The following TMPRSS6 variants were observed in gnomAD, a reference collection of about 807,000 sequenced individuals.
TMPRSS6 encodes transmembrane serine protease 6.
A neutral mutation model predicts 101.5 loss-of-function variants in TMPRSS6; 67 were observed. The ratio of observed to expected loss-of-function variants is 0.66; its 90% CI spans 0.54 to 0.81. TMPRSS6 has a LOEUF of 0.81. TMPRSS6 is among the 30% of genes least tolerant of loss of function. The pLI is 0.00. For synonymous variants in TMPRSS6, 453 were observed against 464.9 expected (o/e 0.97, Z 0.33); for missense variants, 1,034 against 1,088.7 (o/e 0.95, Z 0.71).
Position 37,103,563 on chromosome 22 carries a change from G to A in TMPRSS6, c.-1-145C>T. The stretch of plus-strand genomic sequence containing the variant: ...ATCAGGCGGCAGTGACTGCAAGTGG[G>A]TGCCGAGACAGCTCACAGAGGAGGG... On this transcript the variant is annotated intron_variant, in intron 1 of 17. Coordinates refer to ENST00000676104, the MANE Select transcript of TMPRSS6 (RefSeq NM_001374504.1). This position sits in a 1 kb window ranked among gnomAD's most constrained non-coding sequence, Gnocchi z 4.4. The A allele has an allele frequency of 1.2e-6, 2 of 1,613,782 alleles. No homozygotes were observed. Among genetic ancestry groups the A allele is most frequent in the Non-Finnish European group, 1.7e-6 (2 of 1,180,018 alleles).
intron 6 of TMPRSS6, among the ~76,000 whole-genome samples, chr22:37,092,448 C>T (rs1226417370): frequency 6.8e-6 from 1 of 147,198 alleles, no homozygotes; most frequent in Non-Finnish European, 1.5e-5. Context: ...CCACCTTAGC[C>T]CCCCACCCCC....
rs746835428 is a variant in TMPRSS6 at position 37,084,337 on chromosome 22, T to A, written c.1154A>T (p.Asp385Val). ...CCACTGGCCCTGGGTGCACGGCAAATCATACTTCTGCCTCCTCAGTGCATA... is the reference window on the plus strand; with the variant it reads ...CCACTGGCCCTGGGTGCACGGCAAAACATACTTCTGCCTCCTCAGTGCATA... Reference protein sequence around the residue: ...DAYALRRQKYDLPCTQGQWTI... With the variant: ...DAYALRRQKYVLPCTQGQWTI... Residue 385 changes from aspartate (D) to valine (V), a missense_variant, in exon 10 of 18, where the codon GAT becomes GTT. Physicochemically the swap from Asp to Val is radical, Grantham distance 152. Coordinates refer to ENST00000676104, the MANE Select transcript of TMPRSS6 (RefSeq NM_001374504.1). 10 of 1,613,504 alleles carry A rather than the reference T, an allele frequency of 6.2e-6. No homozygotes were observed. Among genetic ancestry groups the A allele is most frequent in the South Asian group, 2.2e-5 (2 of 90,976 alleles).
chr22:37,094,385 A>T lies in TMPRSS6; in HGVS notation c.631+1166T>A, dbSNP rs940085319. Among the ~76,000 whole-genome samples, 6 of 98,578 alleles carry T rather than the reference A, an allele frequency of 6.1e-5. No individual in the cohort carries two copies. In the East Asian group the frequency reaches 1.8e-3, roughly 29 times the overall value. 64.7% of individuals were successfully genotyped at this position (98,578 alleles called of 152,430 possible). A position where few individuals can be genotyped will look rare whatever the true frequency, so the allele number is the denominator to read the frequency against. The stretch of plus-strand genomic sequence containing the variant: ...TCTTTTTCCATTAATGATTGATGAT[A>T]GATAGATAGATAGATAGATAGATAG... On this transcript the variant is annotated intron_variant, in intron 6 of 17. Coordinates refer to ENST00000676104, the MANE Select transcript of TMPRSS6 (RefSeq NM_001374504.1).
chr22:37,097,658 T>G (rs2543507), intron 3 of TMPRSS6, among the ~76,000 whole-genome samples: 28 of 125,988 alleles, frequency 2.2e-4, no homozygotes, highest in African/African-American at 3.1e-4. Context: ...GGGGCAGGAG[T>G]GGCCACCGTC....
At chr22:37,094,450 TAGACAGACAGAGACAGAG>T (rs1406765074) in intron 6 of TMPRSS6, among the ~76,000 whole-genome samples, 2 of 151,694 alleles carry the variant, frequency 1.3e-5, no homozygotes, top group African/African-American at 2.4e-5. Context: ...GCTAGCTAGC[TAGACAGACAGAGACAGAG>T]AGACAGACAG....
Position 37,066,813 on chromosome 22 carries a change from C to A in TMPRSS6, c.2250+13G>T. On this transcript the variant is annotated intron_variant, in intron 17 of 17. Transcript: ENST00000676104. Reference sequence around the variant, plus strand: ...TCTCCCTCCTCTCTCCCTCCCATGCCCGGGGGACTCACCTGACAGGCATCC... The same window carrying A: ...TCTCCCTCCTCTCTCCCTCCCATGCACGGGGGACTCACCTGACAGGCATCC... 2 of 1,614,160 alleles carry A rather than the reference C, an allele frequency of 1.2e-6. No homozygotes were observed. The highest frequency in any genetic ancestry group is 1.7e-6 in the Non-Finnish European group (2 of 1,180,030).
chr22:37,072,985 TG>T (rs1195164172), intron 13 of TMPRSS6, among the ~76,000 whole-genome samples: 5 of 146,778 alleles, frequency 3.4e-5, no homozygotes, highest in African/African-American at 1.3e-4. Context: ...GGATGATGGA[TG>T]GATAGATGGA....
chr22:37,083,098 A>C (rs1928390503), intron 10 of TMPRSS6: 1 of 470,816 alleles, frequency 2.1e-6, no homozygotes, highest in Non-Finnish European at 4.4e-6. Context: ...TGTGAAATCA[A>C]GAAATGACAA....
intron 1 of TMPRSS6, among the ~76,000 whole-genome samples, chr22:37,106,410 G>A (rs929444164): frequency 6.6e-6 from 1 of 152,062 alleles, no homozygotes; most frequent in African/African-American, 2.4e-5. Flanking sequence ...CTCCAAGCCA[G>A]GCGTCCTTCT....
At chr22:37,100,233 C>T (rs910799091) in intron 2 of TMPRSS6, among the ~76,000 whole-genome samples, 6 of 152,276 alleles carry the variant, frequency 3.9e-5, no homozygotes, top group Non-Finnish European at 8.8e-5. Flanking sequence ...TCCCAAAGTG[C>T]TGGGATTACG....
chr22:37,086,578 A>G (rs926246285), intron 7 of TMPRSS6, among the ~76,000 whole-genome samples, 159 bp from the exon 8 acceptor site: 7 of 151,952 alleles, frequency 4.6e-5, no homozygotes, highest in African/African-American at 1.7e-4. Context: ...TGTGGGGAGA[A>G]TTCTGTGTCT....
At position 37,075,289 on chromosome 22, in the gene TMPRSS6, A is replaced by T; in HGVS notation, c.1197-9T>A. The T allele has an allele frequency of 3.7e-6, 6 of 1,613,214 alleles. No homozygotes were observed. The highest frequency in any genetic ancestry group is 5.1e-6 in the Non-Finnish European group (6 of 1,179,970). ...TGCGCAAGCCACACAGCCTGGGGGGAGTCAGAGACGACTCAGGGCTGCACT... is the reference window on the plus strand; with the variant it reads ...TGCGCAAGCCACACAGCCTGGGGGGTGTCAGAGACGACTCAGGGCTGCACT... On this transcript the variant is annotated splice_polypyrimidine_tract_variant and intron_variant, in intron 10 of 17. Coordinates refer to ENST00000676104, the MANE Select transcript of TMPRSS6 (RefSeq NM_001374504.1).
chr22:37,109,063 C>G (rs146925727), intron 1 of TMPRSS6, among the ~76,000 whole-genome samples: 1 of 152,166 alleles, frequency 6.6e-6, no homozygotes, highest in African/African-American at 2.4e-5. Flanking sequence ...AACTCTGAGC[C>G]TGTGAGCCCA....
In TMPRSS6 at chr22:37,066,837, C is replaced by A; in HGVS notation, c.2239G>T (p.Asp747Tyr). ...LCAGYRKGKK[D>Y]ACQGDSGGPL... ...CCCGGGGGACTCACCTGACAGGCAT[C>A]CTTCTTGCCCTTGCGGTAGCCGGCA... is the stretch of plus-strand genomic sequence containing the variant. The change falls in exon 17 of 18, where the codon GAT becomes TAT. Residue 747 changes from aspartate to tyrosine, a missense_variant. Asp to Tyr is a radical substitution (Grantham distance 160). Coordinates refer to ENST00000676104, the MANE Select transcript of TMPRSS6 (RefSeq NM_001374504.1). The A allele has an allele frequency of 6.2e-7, 1 of 1,614,214 alleles. No homozygotes were observed. The highest frequency in any genetic ancestry group is 8.5e-7 in the Non-Finnish European group (1 of 1,180,036).
intron 7 of TMPRSS6, among the ~76,000 whole-genome samples, chr22:37,086,644 G>A (rs370707509): frequency 6.6e-6 from 1 of 152,140 alleles, no homozygotes; most frequent in African/African-American, 2.4e-5. Context: ...AGCTCCTCGG[G>A]TGAGAGAGGC....
At chr22:37,082,754 T>C (rs1481844822) in intron 10 of TMPRSS6, 1 of 360,192 alleles carries the variant, frequency 2.8e-6, no homozygotes, top group South Asian at 2.1e-5. Flanking sequence ...TGCAAAGCCC[T>C]GAAGGCACTG....
At chr22:37,078,714 AGGC>A (rs373927944) in intron 10 of TMPRSS6, among the ~76,000 whole-genome samples, 54 of 36,340 alleles carry the variant, frequency 1.5e-3, no homozygotes, top group African/African-American at 4.1e-3. Context: ...AGGAAGGAGG[AGGC>A]GGAGGAGAAG....
Position 37,089,640 on chromosome 22 carries a change from C to T in TMPRSS6, c.774G>A (p.Glu258=). 1 of 1,612,944 alleles carries T rather than the reference C, an allele frequency of 6.2e-7. No homozygotes were observed. Among genetic ancestry groups the T allele is most frequent in the Non-Finnish European group, 8.5e-7 (1 of 1,179,740 alleles). ...CATACATGGCCAGTCGGTCCCGGCA[C>T]TCTGCCAGCGTCCACTCCAGCCGGA... ...LKLRLEWTLA[E]CRDRLAMYDV... is the part of the protein sequence containing the mutation. The change falls in exon 7 of 18, where the codon GAG becomes GAA. Residue 258 remains glutamate (E), a synonymous_variant. Coordinates refer to ENST00000676104, the MANE Select transcript of TMPRSS6 (RefSeq NM_001374504.1).
chr22:37,080,152 C>A (rs1050460159), intron 10 of TMPRSS6: 9 of 152,398 alleles, frequency 5.9e-5, no homozygotes, highest in African/African-American at 1.7e-4. Flanking sequence ...ATGGAGCAGC[C>A]ATGGCCAGAT....
Sources: gnomAD v4.1 joint callset for allele counts (sites outside exome capture counted in the v4.1 genomes callset) on GRCh38, gnomAD v4.1.1 for gene constraint, Gnocchi (gnomAD v3.1) non-coding constraint, MANE v1.5 for transcripts, NCBI Gene and HGNC (gene_info 2026-07-23, HGNC 2026-07-21) for gene names.